Variants in CSMD3 observed in about 807,000 individuals in gnomAD.
The protein encoded by CSMD3 is CUB and Sushi multiple domains 3, also known as CUB and sushi domain-containing protein 3.
A neutral mutation model predicts 435.2 loss-of-function variants in CSMD3; 177 were observed. The ratio of observed to expected loss-of-function variants is 0.41; its 90% CI spans 0.36 to 0.46. The LOEUF is 0.46. Among genes scored for constraint, CSMD3 ranks in the 20% least tolerant of loss-of-function variants. The pLI, the probability that CSMD3 is intolerant of heterozygous loss-of-function variation, is 0.34. For synonymous variants in CSMD3, 1,656 were observed against 1,520.5 expected (o/e 1.09, Z -2.07); for missense variants, 4,265 against 4,504.6 (o/e 0.95, Z 1.52).
At chr8:112,439,851 C>T (rs1004141436) in intron 32 of CSMD3, among the ~76,000 whole-genome samples, 1 of 132,100 alleles carries the variant, frequency 7.6e-6, no homozygotes, top group Non-Finnish European at 1.7e-5. Context: ...ATTCAGTCAC[C>T]TGCCACTAGG....
chr8:112,907,911 C>T (rs947623258), intron 10 of CSMD3, among the ~76,000 whole-genome samples: 1 of 151,284 alleles, frequency 6.6e-6, no homozygotes, highest in African/African-American at 2.4e-5. Flanking sequence ...AGAATAGTTA[C>T]ATGATTATTG....
rs563477648 is a variant in CSMD3 at position 112,713,437 on chromosome 8, G to A, written c.1973-23387C>T. 3.7e-4 allele frequency among the ~76,000 whole-genome samples: 56 copies of A among 150,682 alleles called. 1 individual carries two copies. In the South Asian group the frequency reaches 7.0e-3, roughly 19 times the overall value. On this transcript the variant is annotated intron_variant, in intron 13 of 70. Coordinates refer to ENST00000297405, the MANE Select transcript of CSMD3 (RefSeq NM_198123.2). The stretch of plus-strand genomic sequence containing the variant: ...AAATATGGGACTATGTAAAAAGACC[G>A]AACCTACTATTGATCAGAGAGTCTG...
At chr8:112,872,216 C>T (rs1458061594) in intron 10 of CSMD3, among the ~76,000 whole-genome samples, 1 of 151,998 alleles carries the variant, frequency 6.6e-6, no homozygotes, top group Non-Finnish European at 1.5e-5. Context: ...TTTAACTGAA[C>T]ATCCCAGTCT....
intron 2 of CSMD3, among the ~76,000 whole-genome samples, chr8:113,304,775 GA>G (rs1406825751): frequency 9.7e-6 from 1 of 103,502 alleles, no homozygotes; most frequent in African/African-American, 3.7e-5. Flanking sequence ...GGGGTCGGGG[GA>G]GGGGGGAGGG....
intron 11 of CSMD3, among the ~76,000 whole-genome samples, chr8:112,852,269 G>C (rs1239004061): frequency 1.3e-5 from 2 of 152,124 alleles, no homozygotes; most frequent in East Asian, 3.9e-4. Flanking sequence ...CATGTGATAA[G>C]ATTAGAATTA....
At chr8:112,329,148 A>T (rs933903143) in intron 45 of CSMD3, among the ~76,000 whole-genome samples, 20 of 152,082 alleles carry the variant, frequency 1.3e-4, no homozygotes, top group African/African-American at 4.6e-4. Flanking sequence ...AAATCTGAAA[A>T]ATAATGTGCC....
intron 50 of CSMD3, among the ~76,000 whole-genome samples, chr8:112,307,404 C>T (rs1821540080): frequency 6.6e-6 from 1 of 152,106 alleles, no homozygotes; most frequent in Non-Finnish European, 1.5e-5. Flanking sequence ...CCTTCAGCCT[C>T]CTGAGTATCT....
At chr8:112,475,276 T>C (rs921723755) in intron 31 of CSMD3, among the ~76,000 whole-genome samples, 2 of 152,176 alleles carry the variant, frequency 1.3e-5, no homozygotes, top group African/African-American at 4.8e-5. Flanking sequence ...AGAATTTGTT[T>C]TACATATTTT....
intron 31 of CSMD3, among the ~76,000 whole-genome samples, chr8:112,474,428 C>T (rs902728836): frequency 6.6e-6 from 1 of 152,126 alleles, no homozygotes; most frequent in East Asian, 1.9e-4. Flanking sequence ...TTTGGAGATG[C>T]AAAGTTGAAT....
intron 6 of CSMD3, among the ~76,000 whole-genome samples, chr8:112,983,747 G>C (rs2085140329): frequency 6.6e-6 from 1 of 151,744 alleles, no homozygotes. Flanking sequence ...CCATATGATT[G>C]TTAAATAACT....
chr8:112,585,903 T>A (rs1336627987), intron 23 of CSMD3, among the ~76,000 whole-genome samples: 1 of 151,596 alleles, frequency 6.6e-6, no homozygotes, highest in African/African-American at 2.4e-5. Flanking sequence ...TGAAAAAACA[T>A]AACTTACTTT....
chr8:113,123,304 T>C (rs865917451), intron 4 of CSMD3, among the ~76,000 whole-genome samples: 2 of 152,102 alleles, frequency 1.3e-5, no homozygotes. Context: ...GTGTTCATTT[T>C]ATATTGGCAT....
At chr8:112,508,293 C>T (rs1439354056) in intron 28 of CSMD3, among the ~76,000 whole-genome samples, 1 of 152,102 alleles carries the variant, frequency 6.6e-6, no homozygotes, top group Admixed American at 6.6e-5. Context: ...AAACACCCTG[C>T]CCCATATAAC....
At chr8:112,409,844 GTT>G (rs907418488) in intron 32 of CSMD3, among the ~76,000 whole-genome samples, 1 of 149,570 alleles carries the variant, frequency 6.7e-6, no homozygotes, top group African/African-American at 2.5e-5. Context: ...TTTGCTTTGT[GTT>G]TTTTTTTCTT....
intron 11 of CSMD3, among the ~76,000 whole-genome samples, chr8:112,842,023 T>G (rs1365877685): frequency 6.6e-6 from 1 of 151,778 alleles, no homozygotes; most frequent in Admixed American, 6.6e-5. Context: ...TGAATAGAGA[T>G]TCCAGGAGAC....
At chr8:112,500,786 G>A (rs139200040) in intron 30 of CSMD3, among the ~76,000 whole-genome samples, 1 of 152,264 alleles carries the variant, frequency 6.6e-6, no homozygotes, top group African/African-American at 2.4e-5. Flanking sequence ...ATAGGAAAAG[G>A]CTACCTGGGA....
At chr8:112,736,413 C>T (rs930424067) in intron 13 of CSMD3, among the ~76,000 whole-genome samples, 2 of 151,972 alleles carry the variant, frequency 1.3e-5, no homozygotes, top group Non-Finnish European at 2.9e-5. Flanking sequence ...ACAATGGGTT[C>T]CTGTTCTGGT....
chr8:113,245,999 G>A (rs1239873175), intron 3 of CSMD3, among the ~76,000 whole-genome samples: 1 of 151,840 alleles, frequency 6.6e-6, no homozygotes, highest in African/African-American at 2.4e-5. Flanking sequence ...TCCCTTATGT[G>A]TGATTAGTTG....
chr8:113,144,723 G>A (rs758692580), intron 4 of CSMD3, among the ~76,000 whole-genome samples: 4 of 151,222 alleles, frequency 2.6e-5, no homozygotes, highest in Admixed American at 6.6e-5. Flanking sequence ...ATATTAAGGC[G>A]CAATATATAT....
Sources: allele counts gnomAD v4.1 joint callset (sites outside exome capture counted in the v4.1 genomes callset), GRCh38; gene constraint gnomAD v4.1.1; transcripts MANE v1.5; gene names NCBI Gene and HGNC (gene_info 2026-07-23, HGNC 2026-07-21).